VMA12: variants seen among roughly 807,000 people sequenced by gnomAD.
VMA12 encodes the protein vacuolar ATPase assembly protein VMA12.
chr17:28,358,108 T>A, the VMA12 span: 1 of 572,534 alleles, frequency 1.7e-6, no homozygotes. Context: ...CCTCTTCACT[T>A]CCAGGCACAC....
At chr17:28,359,621 G>A in the VMA12 span, 1 of 322,912 alleles carries the variant, frequency 3.1e-6, no homozygotes, top group Non-Finnish European at 5.1e-6. Flanking sequence ...AGAAGTGGGA[G>A]TTAGCCGGGC....
chr17:28,358,768 C>A, the VMA12 span: 8 of 670,494 alleles, frequency 1.2e-5, no homozygotes, highest in East Asian at 5.5e-5. Context: ...ATCCAAAATT[C>A]TTTTCAATTG....
chr17:28,359,674 G>A, the VMA12 span: 162 of 237,664 alleles, frequency 6.8e-4, 2 homozygotes, highest in East Asian at 3.8e-3. Context: ...GGAGGCTGAG[G>A]TAGGTGGATC....
chr17:28,363,137 T>C, the VMA12 span: 24 of 152,228 alleles, frequency 1.6e-4, no homozygotes, highest in African/African-American at 5.8e-4. Flanking sequence ...TTTAGTCACA[T>C]AGAGTTCCAG....
the VMA12 span, chr17:28,360,924 CT>C: frequency 7.1e-6 from 9 of 1,270,686 alleles, no homozygotes; most frequent in Non-Finnish European, 2.3e-6. Context: ...GTGAAAGTGC[CT>C]TGCACAGGTT....
chr17:28,360,286 C>T, the VMA12 span: 1 of 433,802 alleles, frequency 2.3e-6, no homozygotes, highest in Non-Finnish European at 4.3e-6. Flanking sequence ...GACAGGGCTC[C>T]CTACTACTCT....
At chr17:28,358,099 CT>C in the VMA12 span, 1 of 582,316 alleles carries the variant, frequency 1.7e-6, no homozygotes, top group Non-Finnish European at 3.0e-6. Context: ...TGAGAGCCCC[CT>C]CTTCACTTCC....
the VMA12 span, chr17:28,360,125 G>A: frequency 3.4e-5 from 6 of 175,050 alleles, no homozygotes; most frequent in South Asian, 1.2e-4. Flanking sequence ...GCACCACCAC[G>A]CCAGGCTAAT....
At chr17:28,357,952 A>G in the VMA12 span, 2 of 1,522,976 alleles carry the variant, frequency 1.3e-6, no homozygotes, top group Non-Finnish European at 1.8e-6. Context: ...GTCTTTTCCC[A>G]TCATTCCCCT....
chr17:28,358,367 G>T, the VMA12 span: 1 of 472,040 alleles, frequency 2.1e-6, no homozygotes, highest in Non-Finnish European at 4.4e-6. Context: ...GTGAGTTCCA[G>T]TCCTAGCTCT....
At chr17:28,359,087 G>A in the VMA12 span, 2 of 1,256,254 alleles carry the variant, frequency 1.6e-6, no homozygotes, top group East Asian at 4.8e-5. Context: ...TTGAAAAATT[G>A]TTTTTGAAAT....
the VMA12 span, among the ~76,000 whole-genome samples, chr17:28,358,684 T>C: frequency 6.6e-6 from 1 of 152,230 alleles, no homozygotes; most frequent in South Asian, 2.1e-4. Flanking sequence ...TTGTTAGTTA[T>C]AACACTGGCA....
chr17:28,361,184 T>A, the VMA12 span: 1 of 1,614,098 alleles, frequency 6.2e-7, no homozygotes, highest in Non-Finnish European at 8.5e-7. Flanking sequence ...GATCGTCGCC[T>A]CTGTGGTGGG....
the VMA12 span, chr17:28,360,856 G>C: frequency 1.2e-6 from 2 of 1,611,944 alleles, no homozygotes; most frequent in Non-Finnish European, 1.7e-6. Flanking sequence ...CGGTGAGTAG[G>C]CACTGGGCAG....
At chr17:28,357,897 C>T in the VMA12 span, 7 of 1,613,224 alleles carry the variant, frequency 4.3e-6, no homozygotes, top group Admixed American at 1.7e-5. Flanking sequence ...CCCCAGTCTC[C>T]AGTCCGGGGT....
the VMA12 span, chr17:28,358,850 C>G: frequency 5.4e-6 from 7 of 1,305,662 alleles, no homozygotes; most frequent in Non-Finnish European, 7.6e-6. Flanking sequence ...GGCTACACCC[C>G]TCTTGATCTT....
chr17:28,357,798 A>G, the VMA12 span: 1 of 1,614,018 alleles, frequency 6.2e-7, no homozygotes, highest in Non-Finnish European at 8.5e-7. Context: ...AAGAAGCACA[A>G]GGGCGGTGAT....
chr17:28,357,724 C>T, the VMA12 span: 1 of 1,613,114 alleles, frequency 6.2e-7, no homozygotes, highest in Admixed American at 1.7e-5. Flanking sequence ...TGGGCCCCGG[C>T]GGGGAGCTGG....
the VMA12 span, chr17:28,359,066 A>C: frequency 7.3e-7 from 1 of 1,361,758 alleles, no homozygotes; most frequent in Non-Finnish European, 1.0e-6. Context: ...CTTATAAATC[A>C]ACTTTTAGGC....
Sources: gnomAD v4.1 joint callset for allele counts (sites outside exome capture counted in the v4.1 genomes callset) on GRCh38, gnomAD v4.1.1 for gene constraint, MANE v1.5 for transcripts, NCBI Gene and HGNC (gene_info 2026-07-23, HGNC 2026-07-21) for gene names.